Variants in BOLL observed in about 807,000 individuals in gnomAD.
BOLL encodes the protein protein boule-like.
A neutral mutation model predicts 44.4 loss-of-function variants in BOLL; 23 were observed. That is an observed-to-expected ratio of 0.52 (90% CI 0.37 to 0.73). The LOEUF (loss-of-function observed/expected upper bound fraction) is 0.73, where lower values mean the gene tolerates loss of function less well. Ranked by LOEUF, BOLL falls within the 30% of genes least tolerant of loss-of-function variation. The probability of loss-of-function intolerance (pLI) is 0.00; values close to 1 mark genes in which losing one functional copy is unlikely to be tolerated. For synonymous variants in BOLL, 97 were observed against 110.8 expected, an observed-to-expected ratio of 0.88 and a Z score of 0.78; for missense variants, 287 against 338.3, an observed-to-expected ratio of 0.85 and a Z score of 1.19.
intron 10 of BOLL, among the ~76,000 whole-genome samples, chr2:197,735,561 T>TC: frequency 6.6e-6 from 1 of 152,264 alleles, no homozygotes; most frequent in East Asian, 1.9e-4. Flanking sequence ...AGGTGTATAG[T>TC]TTAGACGACT....
intron 10 of BOLL, among the ~76,000 whole-genome samples, chr2:197,736,276 ATAAC>A (rs1485283010): frequency 6.6e-6 from 1 of 152,132 alleles, no homozygotes; most frequent in Non-Finnish European, 1.5e-5. Flanking sequence ...GTTCTACAAA[ATAAC>A]TAATCAATAT....
intron 6 of BOLL, among the ~76,000 whole-genome samples, chr2:197,770,958 GA>G (rs1288402387): frequency 6.6e-6 from 1 of 152,052 alleles, no homozygotes; most frequent in East Asian, 1.9e-4. Flanking sequence ...CAAGGATCTA[GA>G]ACTAGAAATA....
chr2:197,734,293 C>T (rs2106314131), intron 10 of BOLL, among the ~76,000 whole-genome samples: 1 of 151,998 alleles, frequency 6.6e-6, no homozygotes, highest in South Asian at 2.1e-4. Flanking sequence ...GAATGGCGAT[C>T]ATTAAAAAGT....
intron 7 of BOLL, among the ~76,000 whole-genome samples, 170 bp downstream of exon 7, chr2:197,766,362 C>A (rs532636693): frequency 5.3e-5 from 8 of 152,028 alleles, no homozygotes; most frequent in Non-Finnish European, 8.8e-5. Flanking sequence ...TTAATAATAG[C>A]CATTCTGACT....
Position 197,760,652 on chromosome 2 carries a change from C to G in BOLL, c.553-3252G>C, listed in dbSNP as rs1267165016. On this transcript the variant is annotated intron_variant, in intron 7 of 10. Coordinates refer to ENST00000392296, the MANE Select transcript of BOLL (RefSeq NM_033030.6). The stretch of plus-strand genomic sequence containing the variant: ...AGCCCTACCACCATTGTCATAGACT[C>G]TCTTTTGCTAGGTCACTGAGAAACT... 3.3e-5 allele frequency among the ~76,000 whole-genome samples: 5 copies of G among 152,112 alleles called. No homozygotes were observed. In the East Asian group the frequency reaches 9.6e-4, roughly 29 times the overall value.
chr2:197,773,876 A>G (rs761175916), intron 5 of BOLL: 8 of 294,092 alleles, frequency 2.7e-5, no homozygotes, highest in Non-Finnish European at 5.6e-5. Context: ...ATGTTTTTCC[A>G]GGAATTAAGG....
chr2:197,736,387 C>A (rs1490183490), intron 10 of BOLL, among the ~76,000 whole-genome samples: 5 of 151,890 alleles, frequency 3.3e-5, no homozygotes, highest in Non-Finnish European at 7.4e-5. Flanking sequence ...AATGTAGGAT[C>A]TTAGATTAGA....
intron 10 of BOLL, among the ~76,000 whole-genome samples, chr2:197,733,623 A>C (rs535962000): frequency 6.6e-6 from 1 of 152,342 alleles, no homozygotes; most frequent in Non-Finnish European, 1.5e-5. Context: ...GATAGAGACC[A>C]ATGGAACAGA....
rs1333384386 is a variant in BOLL, at chr2:197,728,245, C to T, written c.*310G>A. 2.4e-6 allele frequency: 1 copy of T among 421,454 alleles called. No homozygotes were observed. The highest frequency in any genetic ancestry group is 3.4e-5 in the East Asian group (1 of 29,060). The allele number at this position is 421,454 out of a possible 1,614,324, so 26.1% of individuals were successfully genotyped here. ...AAAGCAGAGAAAATAAAAGACACCT[C>T]ACTATTCCCAATGTGGTTATTATTT... On this transcript the variant is annotated 3_prime_UTR_variant, in exon 11 of 11. Coordinates refer to ENST00000392296, the MANE Select transcript of BOLL (RefSeq NM_033030.6).
chr2:197,754,743 A>AC (rs1688429908), intron 9 of BOLL, among the ~76,000 whole-genome samples: 1 of 116,604 alleles, frequency 8.6e-6, no homozygotes, highest in Admixed American at 9.1e-5. Context: ...AAACAAAAAA[A>AC]CCCCAAAACA....
chr2:197,778,350 T>A (rs182340079), intron 3 of BOLL, among the ~76,000 whole-genome samples: 24 of 152,076 alleles, frequency 1.6e-4, no homozygotes, highest in African/African-American at 5.1e-4. Flanking sequence ...CTTTTAACTT[T>A]GCAGTCCAAC....
At chr2:197,776,829 G>A (rs1252777725) in intron 4 of BOLL, among the ~76,000 whole-genome samples, 3 of 151,784 alleles carry the variant, frequency 2.0e-5, no homozygotes, top group Admixed American at 1.3e-4. Context: ...ATATCCCCAA[G>A]TTCTTAATTT....
intron 9 of BOLL, among the ~76,000 whole-genome samples, chr2:197,746,717 T>C (rs748067070): frequency 9.9e-5 from 15 of 151,604 alleles, no homozygotes; most frequent in Non-Finnish European, 1.6e-4. Flanking sequence ...CTGGCCAACA[T>C]GGTGAAACCC....
chr2:197,752,221 T>C (rs1688295057), intron 9 of BOLL, among the ~76,000 whole-genome samples: 1 of 152,204 alleles, frequency 6.6e-6, no homozygotes, highest in African/African-American at 2.4e-5. Flanking sequence ...GCTGGAAGCA[T>C]TCCCTTGAAA....
intron 8 of BOLL, 105 bp downstream of exon 8, chr2:197,757,248 A>G (rs1195134673): frequency 3.3e-6 from 3 of 899,614 alleles, no homozygotes; most frequent in Non-Finnish European, 3.4e-6. Context: ...GTTAATAAAC[A>G]GAAGAAGAAG....
intron 9 of BOLL, among the ~76,000 whole-genome samples, chr2:197,746,889 A>G (rs1015472488): frequency 3.9e-5 from 5 of 127,852 alleles, no homozygotes; most frequent in Non-Finnish European, 8.0e-5. Flanking sequence ...ACAGAGTGAG[A>G]CTCTGTCTCG....
chr2:197,734,368 C>A (rs915688725), intron 10 of BOLL, among the ~76,000 whole-genome samples: 1 of 152,234 alleles, frequency 6.6e-6, no homozygotes, highest in African/African-American at 2.4e-5. Flanking sequence ...GTTGGTGGGA[C>A]TGTAAACCAG....
chr2:197,760,066 G>A (rs1464401063), intron 7 of BOLL, among the ~76,000 whole-genome samples: 1 of 152,168 alleles, frequency 6.6e-6, no homozygotes, highest in Non-Finnish European at 1.5e-5. Context: ...CCTGGAGCCT[G>A]TGTCCCAGGC....
intron 1 of BOLL, 152 bp downstream of exon 1, chr2:197,784,904 G>A (rs148280559): frequency 1.0e-6 from 1 of 987,016 alleles, no homozygotes; most frequent in Non-Finnish European, 1.2e-6. Flanking sequence ...GGGTTTGAAG[G>A]CTCCTCCGTT....
Sources: allele counts gnomAD v4.1 joint callset (sites outside exome capture counted in the v4.1 genomes callset), GRCh38; gene constraint gnomAD v4.1.1; transcripts MANE v1.5; gene names NCBI Gene and HGNC (gene_info 2026-07-23, HGNC 2026-07-21).